CPPED1: variants seen among roughly 807,000 people sequenced by gnomAD.
The protein encoded by CPPED1 is serine/threonine-protein phosphatase CPPED1.
Under a neutral mutation model 28.0 loss-of-function variants are expected in CPPED1, and 28 were observed. The ratio of observed to expected loss-of-function variants is 1.00; its 90% confidence interval spans 0.74 to 1.37. CPPED1 has a LOEUF of 1.37. Among genes scored for constraint, CPPED1 ranks in the 40% most tolerant of loss-of-function variants. The pLI, the probability that CPPED1 is intolerant of heterozygous loss-of-function variation, is 0.00. For synonymous variants in CPPED1, 198 were observed against 180.2 expected (o/e 1.10, Z -0.79); for missense variants, 504 against 416.5 (o/e 1.21, Z -1.83).
At chr16:12,742,010 G>C in intron 2 of CPPED1, among the ~76,000 whole-genome samples, 1 of 151,962 alleles carries the variant, frequency 6.6e-6, no homozygotes, top group Non-Finnish European at 1.5e-5. Flanking sequence ...AGGTCACAGT[G>C]AGTCGAGATC....
intron 3 of CPPED1, among the ~76,000 whole-genome samples, chr16:12,698,247 G>A (rs1324569528): frequency 1.3e-5 from 2 of 152,158 alleles, no homozygotes; most frequent in Non-Finnish European, 2.9e-5. Flanking sequence ...GCTACTATAT[G>A]ACAGTCTCAG....
intron 3 of CPPED1, among the ~76,000 whole-genome samples, chr16:12,696,944 T>C (rs889519058): frequency 6.6e-6 from 1 of 152,166 alleles, no homozygotes; most frequent in East Asian, 1.9e-4. Context: ...GCCCAGACGC[T>C]AATTCCCCCT....
intron 2 of CPPED1, among the ~76,000 whole-genome samples, chr16:12,759,064 A>G (rs1463092887): frequency 6.9e-6 from 1 of 145,614 alleles, no homozygotes; most frequent in Non-Finnish European, 1.5e-5. Flanking sequence ...TCAGGGGGCT[A>G]GGGTAGCAGG....
At chr16:12,776,561 C>G (rs2865882) in intron 2 of CPPED1, among the ~76,000 whole-genome samples, 31,503 of 152,030 alleles carry the variant, frequency 0.21, 3,973 homozygotes, top group East Asian at 0.29. Context: ...CTCACGAGAT[C>G]TGATGGTTTT....
At chr16:12,680,919 A>G (rs2079901341) in intron 3 of CPPED1, among the ~76,000 whole-genome samples, 1 of 152,130 alleles carries the variant, frequency 6.6e-6, no homozygotes, top group Non-Finnish European at 1.5e-5. Flanking sequence ...ATTTGTTCAC[A>G]TGTCTGGTCC....
chr16:12,741,115 C>A (rs1303346493), intron 2 of CPPED1, among the ~76,000 whole-genome samples: 1 of 152,030 alleles, frequency 6.6e-6, no homozygotes, highest in Non-Finnish European at 1.5e-5. Context: ...CCAATTATGA[C>A]AAAATATCAT....
At chr16:12,702,242 G>A (rs974418250) in intron 3 of CPPED1, among the ~76,000 whole-genome samples, 5 of 151,980 alleles carry the variant, frequency 3.3e-5, no homozygotes, top group African/African-American at 1.2e-4. Flanking sequence ...TGGTCAACAG[G>A]CTTCTCCCAA....
chr16:12,749,806 T>C (rs781421272), intron 2 of CPPED1, among the ~76,000 whole-genome samples: 5 of 152,190 alleles, frequency 3.3e-5, no homozygotes, highest in Non-Finnish European at 7.3e-5. Context: ...ACCAGGCTGG[T>C]CTTGAACCCC....
intron 2 of CPPED1, among the ~76,000 whole-genome samples, chr16:12,772,198 G>A (rs2080474174): frequency 1.3e-5 from 2 of 152,166 alleles, no homozygotes; most frequent in African/African-American, 4.8e-5. Context: ...TTTGGCCATG[G>A]CTACTGTTAT....
At chr16:12,764,461 T>C (rs6498355) in intron 2 of CPPED1, among the ~76,000 whole-genome samples, 62,416 of 151,760 alleles carry the variant, frequency 0.41, 13,338 homozygotes, top group African/African-American at 0.52. Context: ...CCTTGGCCTC[T>C]CAAAGTGCTG....
intron 1 of CPPED1, among the ~76,000 whole-genome samples, chr16:12,790,967 G>C (rs1420308978): frequency 6.8e-6 from 1 of 146,278 alleles, no homozygotes; most frequent in South Asian, 2.1e-4. Context: ...TAGTATGTCT[G>C]TTTTTCTGGA....
chr16:12,733,275 T>TTC (rs1491462050), intron 2 of CPPED1, among the ~76,000 whole-genome samples: 3 of 28,552 alleles, frequency 1.1e-4, no homozygotes, highest in Non-Finnish European at 2.8e-4. Flanking sequence ...GAATTAGGAA[T>TTC]TTTTTTTTTT....
intron 3 of CPPED1, among the ~76,000 whole-genome samples, chr16:12,696,438 CTTTT>C (rs1180336228): frequency 2.5e-5 from 3 of 120,726 alleles, no homozygotes; most frequent in Non-Finnish European, 1.7e-5. Context: ...AAGTGACTTT[CTTTT>C]TTTTTTTTTT....
chr16:12,776,585 T>G (rs2080499115), intron 2 of CPPED1, among the ~76,000 whole-genome samples: 1 of 152,114 alleles, frequency 6.6e-6, no homozygotes, highest in African/African-American at 2.4e-5. Flanking sequence ...AAGAGGAGTT[T>G]CCCTGCACAA....
intron 1 of CPPED1, among the ~76,000 whole-genome samples, chr16:12,801,289 C>T (rs2080657869): frequency 6.6e-6 from 1 of 152,142 alleles, no homozygotes; most frequent in Admixed American, 6.5e-5. Context: ...GATGGAGTTT[C>T]ACCATGTTGA....
At chr16:12,683,286 G>A (rs549276833) in intron 3 of CPPED1, among the ~76,000 whole-genome samples, 15 of 152,202 alleles carry the variant, frequency 9.9e-5, no homozygotes, top group East Asian at 3.9e-4. Flanking sequence ...CCTGGGCTTC[G>A]AGGCACTTCC....
intron 3 of CPPED1, among the ~76,000 whole-genome samples, chr16:12,692,362 A>T (rs371639897): frequency 4.0e-4 from 61 of 152,200 alleles, no homozygotes; most frequent in African/African-American, 1.4e-3. Flanking sequence ...GTACCAATTC[A>T]AGGGATATCA....
At chr16:12,719,938 G>GA (rs897034181) in intron 2 of CPPED1, among the ~76,000 whole-genome samples, 85 of 143,636 alleles carry the variant, frequency 5.9e-4, no homozygotes, top group South Asian at 1.1e-3. Flanking sequence ...CTCCATCACA[G>GA]AAAAAAAAAA....
Position 12,705,069 on chromosome 16 carries a change from G to A in CPPED1, c.290-20C>T, listed in dbSNP as rs761886724. On this transcript the variant is annotated intron_variant, in intron 2 of 3. Transcript: ENST00000381774. The stretch of plus-strand genomic sequence containing the variant: ...GCTTCCCTGGAAGAGTGAGGGTCAC[G>A]TCCTGAGAAAGCCAGGGGCTTATTC... The A allele has an allele frequency of 2.3e-5, 37 of 1,585,636 alleles. No individual in the cohort carries two copies. Among genetic ancestry groups the A allele is most frequent in the Non-Finnish European group, 2.7e-5 (32 of 1,164,276 alleles).
Sources: gnomAD v4.1 joint callset for allele counts (sites outside exome capture counted in the v4.1 genomes callset) on GRCh38, gnomAD v4.1.1 for gene constraint, MANE v1.5 for transcripts, NCBI Gene and HGNC (gene_info 2026-07-23, HGNC 2026-07-21) for gene names.